Variants in CPNE1 observed in about 807,000 individuals in gnomAD.
The protein encoded by CPNE1 is copine-1.
A neutral mutation model predicts 63.2 loss-of-function variants in CPNE1; 58 were observed. That is an observed-to-expected ratio of 0.92 (90% CI 0.74 to 1.14). The LOEUF (loss-of-function observed/expected upper bound fraction) is 1.14, where lower values mean the gene tolerates loss of function less well. Ranked by LOEUF, CPNE1 falls within the 50% of genes most tolerant of loss-of-function variation. The probability of loss-of-function intolerance (pLI) is 0.00; values close to 1 mark genes in which losing one functional copy is unlikely to be tolerated. For synonymous variants in CPNE1, 237 were observed against 249.0 expected (o/e 0.95, Z 0.45); for missense variants, 672 against 661.7 (o/e 1.02, Z -0.17).
At chr20:35,660,202 CT>C (rs963794869) in intron 1 of CPNE1, among the ~76,000 whole-genome samples, 17 of 149,856 alleles carry the variant, frequency 1.1e-4, no homozygotes, top group African/African-American at 3.4e-4. Flanking sequence ...AATCTAGCCT[CT>C]TTTTTTTTTC....
chr20:35,631,232 G>T, intron 9 of CPNE1, 36 bp downstream of exon 9: 1 of 1,612,676 alleles, frequency 6.2e-7, no homozygotes, highest in Admixed American at 1.7e-5. Flanking sequence ...TGGAGCTCAG[G>T]AATCAGAGCC....
Position 35,631,304 on chromosome 20 carries a change from G to C in CPNE1, c.765C>G (p.Tyr255Ter). The C allele has an allele frequency of 6.2e-7, 1 of 1,614,180 alleles. No homozygotes were observed. The highest frequency in any genetic ancestry group is 1.1e-5 in the South Asian group (1 of 91,076). Reference protein sequence around the residue: ...HPEKQQKKKSYKNSGTIRVKI... With the variant: ...HPEKQQKKKS ...TGACACGGATAGTTCCAGAGTTCTT[G>C]TAGCTTTTCTTTTTCTGCTGCTTCT... Residue 255 changes from tyrosine (Y) to a stop codon, truncating the protein, a stop_gained, in exon 9 of 16, where the codon TAC (tyrosine) becomes TAG (stop). Coordinates refer to ENST00000397443, the MANE Select transcript of CPNE1 (RefSeq NM_152925.3). LOFTEE classifies it high-confidence loss of function.
In CPNE1 at chr20:35,664,463, C is replaced by G. The variant is rs2034424530; in HGVS notation, c.-1+297G>C. 4 of 152,352 alleles carry G rather than the reference C, an allele frequency of 2.6e-5. No individual in the cohort carries two copies. In the South Asian group the frequency reaches 8.3e-4, roughly 32 times the overall value. 9.4% of individuals were successfully genotyped at this position (152,352 alleles called of 1,614,324 possible). On this transcript the variant is annotated intron_variant, in intron 1 of 15. Coordinates refer to ENST00000397443, the MANE Select transcript of CPNE1 (RefSeq NM_152925.3). The stretch of plus-strand genomic sequence containing the variant: ...GTTTTTACTGCAGTCCCCGTTAGCT[C>G]GCAGGCCGCTGAGCCAGCCAGCTCT...
At chr20:35,655,168 T>C in intron 1 of CPNE1, 1 of 1,614,218 alleles carries the variant, frequency 6.2e-7, no homozygotes, top group South Asian at 1.1e-5. Flanking sequence ...AAGCCTTGCA[T>C]CTTCATCAGT....
intron 1 of CPNE1, chr20:35,659,138 C>CAAAAAAAAAAAAAAAAA (rs370328377): frequency 3.9e-6 from 1 of 253,598 alleles, no homozygotes; most frequent in African/African-American, 3.0e-5. Context: ...GAATGCATAT[C>CAAAAAAAAAAAAAAAAA]AAAAAAAAAA....
Position 35,626,720 on chromosome 20 carries a change from G to A in CPNE1, c.1320C>T (p.Asn440=). 1.2e-6 allele frequency: 2 copies of A among 1,614,178 alleles called. No homozygotes were observed. The highest frequency in any genetic ancestry group is 1.7e-6 in the Non-Finnish European group (2 of 1,180,040). The change falls in exon 15 of 16, where the codon AAC becomes AAT. Residue 440 remains asparagine (N), a synonymous_variant. Coordinates refer to ENST00000397443, the MANE Select transcript of CPNE1 (RefSeq NM_152925.3). ...ATREAVVRAS[N]LPMSVIIVGV... ...CCACAATGATCACTGACATGGGCAG[G>A]TTCGAGGCACGCACCACAGCCTCAC...
At chr20:35,657,789 G>A (rs542970401) in intron 1 of CPNE1, among the ~76,000 whole-genome samples, 2 of 152,210 alleles carry the variant, frequency 1.3e-5, no homozygotes, top group African/African-American at 4.8e-5. Context: ...AGCCAGGTGC[G>A]GTGGCTCACA....
Position 35,631,255 on chromosome 20 carries a change from GC to G in CPNE1, c.801+12del. The G allele has an allele frequency of 6.2e-7, 1 of 1,613,896 alleles. No individual in the cohort carries two copies. The highest frequency in any genetic ancestry group is 1.1e-5 in the South Asian group (1 of 91,082). ...AGGAATCAGAGCCTTGGTTACATGG[GC>G]TTTTGTCTCACCCGACAAATCTTGA... On this transcript the variant is annotated intron_variant, in intron 9 of 15. Coordinates refer to ENST00000397443, the MANE Select transcript of CPNE1 (RefSeq NM_152925.3).
At chr20:35,630,842 A>G in intron 11 of CPNE1, 47 bp from the exon 12 acceptor site, 1 of 1,606,098 alleles carries the variant, frequency 6.2e-7, no homozygotes, top group Non-Finnish European at 8.5e-7. Context: ...GGGGACTGTA[A>G]GCTCAGAGGC....
chr20:35,655,064 G>A (rs1250216283), intron 1 of CPNE1: 5 of 1,614,052 alleles, frequency 3.1e-6, no homozygotes, highest in Admixed American at 1.7e-5. Context: ...AAACGCCTAC[G>A]ACTCAGTTCA....
intron 1 of CPNE1, among the ~76,000 whole-genome samples, chr20:35,660,828 C>T (rs1296952734): frequency 2.0e-5 from 3 of 152,186 alleles, no homozygotes; most frequent in African/African-American, 7.2e-5. Context: ...TCAGCCTCTT[C>T]CCTTGCAAAC....
intron 1 of CPNE1, among the ~76,000 whole-genome samples, chr20:35,647,791 A>C (rs891253347): frequency 6.6e-6 from 1 of 151,920 alleles, no homozygotes; most frequent in Admixed American, 6.6e-5. Flanking sequence ...ACGGTGGCTC[A>C]CGCCTGTAAT....
chr20:35,626,695 C>T lies in CPNE1; in HGVS notation c.1345G>A (p.Gly449Ser), dbSNP rs774288607. Reference protein sequence around the residue: ...SNLPMSVIIVGVGGADFEAME... With the variant: ...SNLPMSVIIVSVGGADFEAME... ...GCCTCAAAGTCAGCACCACCCACAC[C>T]CACAATGATCACTGACATGGGCAGG... Residue 449 changes from glycine (G) to serine (S), a missense_variant, in exon 15 of 16, where the codon GGT (glycine) becomes AGT (serine). By Grantham distance (56) the Gly-to-Ser change is moderately conservative (BLOSUM62 0). Coordinates refer to ENST00000397443, the MANE Select transcript of CPNE1 (RefSeq NM_152925.3). 35 of 1,614,054 alleles carry T rather than the reference C, an allele frequency of 2.2e-5. No individual in the cohort carries two copies. The highest frequency in any genetic ancestry group is 2.7e-5 in the Non-Finnish European group (32 of 1,180,026).
chr20:35,640,975 G>A (rs906743915), intron 1 of CPNE1, among the ~76,000 whole-genome samples: 4 of 152,180 alleles, frequency 2.6e-5, no homozygotes, highest in Admixed American at 6.5e-5. Context: ...GAACAGCTGA[G>A]TCTATAGCTC....
chr20:35,626,705 C>T lies in CPNE1; in HGVS notation c.1335G>A (p.Val445=), dbSNP rs1203426896. The change falls in exon 15 of 16, where the codon GTG becomes GTA. Residue 445 remains valine, a synonymous_variant. Coordinates refer to ENST00000397443, the MANE Select transcript of CPNE1 (RefSeq NM_152925.3). ...VVRASNLPMS[V]IIVGVGGADF... is the part of the protein sequence containing the mutation. ...CAGCACCACCCACACCCACAATGAT[C>T]ACTGACATGGGCAGGTTCGAGGCAC... The T allele has an allele frequency of 1.2e-6, 2 of 1,614,194 alleles. No homozygotes were observed. Among genetic ancestry groups the T allele is most frequent in the Admixed American group, 1.7e-5 (1 of 60,018 alleles).
chr20:35,658,043 T>C (rs1018841839), intron 1 of CPNE1, among the ~76,000 whole-genome samples: 1 of 151,754 alleles, frequency 6.6e-6, no homozygotes, highest in Non-Finnish European at 1.5e-5. Context: ...CGAAACTCTG[T>C]CTCAAAAAGA....
chr20:35,642,292 C>CAATTCCT (rs756100404), intron 1 of CPNE1, among the ~76,000 whole-genome samples: 31 of 152,318 alleles, frequency 2.0e-4, no homozygotes, highest in Non-Finnish European at 4.4e-4. Flanking sequence ...CTGCAATTCC[C>CAATTCCT]AATTCCTTAT....
intron 9 of CPNE1, 46 bp downstream of exon 9, chr20:35,631,222 T>C (rs761486319): frequency 1.2e-6 from 2 of 1,612,770 alleles, no homozygotes; most frequent in East Asian, 2.2e-5. Context: ...GTTGGTGTCA[T>C]GGAGCTCAGG....
rs1236260308 is a variant in CPNE1, at chr20:35,630,098, A to C, written c.1102+341T>G. On this transcript the variant is annotated intron_variant, in intron 13 of 15. Coordinates refer to ENST00000397443, the MANE Select transcript of CPNE1 (RefSeq NM_152925.3). ...CACCTGAGGTCAGGAATTCGAGACCACCCTGGCCAACATGGCAAAACCCCG... is the reference window on the plus strand; with the variant it reads ...CACCTGAGGTCAGGAATTCGAGACCCCCCTGGCCAACATGGCAAAACCCCG... Among the ~76,000 whole-genome samples, 3 of 151,930 alleles carry C rather than the reference A, an allele frequency of 2.0e-5. 1 individual carries two copies. Among genetic ancestry groups the C allele is most frequent in the Non-Finnish European group, 4.4e-5 (3 of 67,974 alleles).
Sources: allele counts gnomAD v4.1 joint callset (sites outside exome capture counted in the v4.1 genomes callset), GRCh38; gene constraint gnomAD v4.1.1; transcripts MANE v1.5; gene names NCBI Gene and HGNC (gene_info 2026-07-23, HGNC 2026-07-21).